The following AGBL4 variants were observed in gnomAD, a reference collection of about 807,000 sequenced individuals.
AGBL4 encodes cytosolic carboxypeptidase 6.
In AGBL4, 58 loss-of-function variants were observed where a neutral mutation model predicts 66.4. The ratio of observed to expected loss-of-function variants is 0.87; its 90% confidence interval spans 0.71 to 1.09. The LOEUF is 1.09. AGBL4 is among the 50% of genes least tolerant of loss of function. The probability of loss-of-function intolerance (pLI) is 0.00; values close to 1 mark genes in which losing one functional copy is unlikely to be tolerated. For missense variants in AGBL4, 579 were observed against 631.0 expected, an observed-to-expected ratio of 0.92 and a Z score of 0.88; for synonymous variants, 234 against 222.9, an observed-to-expected ratio of 1.05 and a Z score of -0.44.
chr1:50,022,820 G>GT (rs1360200172), intron 1 of AGBL4, among the ~76,000 whole-genome samples: 1 of 152,080 alleles, frequency 6.6e-6, no homozygotes, highest in Non-Finnish European at 1.5e-5. Flanking sequence ...GTAACATCCA[G>GT]TTCTTCAGTG....
At chr1:49,761,143 T>C (rs1652280490) in intron 2 of AGBL4, among the ~76,000 whole-genome samples, 1 of 151,904 alleles carries the variant, frequency 6.6e-6, no homozygotes, top group African/African-American at 2.4e-5. Context: ...TTTTTTTTTT[T>C]TTAAGAAAAA....
At chr1:49,443,250 T>C (rs1646076158) in intron 3 of AGBL4, among the ~76,000 whole-genome samples, 1 of 152,278 alleles carries the variant, frequency 6.6e-6, no homozygotes, top group East Asian at 1.9e-4. Context: ...TTTCTTTTGT[T>C]GTGAAGAAGC....
chr1:49,374,964 A>G (rs913013142), intron 3 of AGBL4, among the ~76,000 whole-genome samples: 8 of 152,082 alleles, frequency 5.3e-5, no homozygotes, highest in African/African-American at 1.9e-4. Context: ...TTCTATTTCC[A>G]TCTATTTCTA....
At chr1:49,846,759 A>G (rs1646156633) in intron 2 of AGBL4, among the ~76,000 whole-genome samples, 2 of 152,198 alleles carry the variant, frequency 1.3e-5, no homozygotes, top group Admixed American at 1.3e-4. Flanking sequence ...ACTGCAAAAC[A>G]CGGATGAAAA....
intron 3 of AGBL4, among the ~76,000 whole-genome samples, chr1:49,658,880 G>A (rs1482191456): frequency 6.6e-6 from 1 of 151,878 alleles, no homozygotes; most frequent in Non-Finnish European, 1.5e-5. Context: ...ATGGGGGGAG[G>A]GATAGCATTA....
At chr1:49,300,313 A>G (rs1481196849) in intron 3 of AGBL4, among the ~76,000 whole-genome samples, 1 of 152,212 alleles carries the variant, frequency 6.6e-6, no homozygotes, top group Non-Finnish European at 1.5e-5. Context: ...TGTGTTAGTT[A>G]TTAAATCTCA....
At position 49,212,589 on chromosome 1, in the gene AGBL4, C is replaced by T. The variant is rs989569513; in HGVS notation, c.377+33181G>A. On this transcript the variant is annotated intron_variant, in intron 4 of 13. Transcript: ENST00000371839. ...TGAAAGCTAAAAGTGTTAAGGAAAA[C>T]CTTTAATTATATTACTGCAAACCAA... Among the ~76,000 whole-genome samples, 3 of 152,228 alleles carry T rather than the reference C, an allele frequency of 2.0e-5. No homozygotes were observed. In the East Asian group the frequency reaches 5.8e-4, roughly 29 times the overall value.
chr1:48,755,314 A>T (rs1429514171), intron 6 of AGBL4, among the ~76,000 whole-genome samples: 2 of 152,186 alleles, frequency 1.3e-5, no homozygotes, highest in African/African-American at 4.8e-5. Flanking sequence ...TCGGTGAGTA[A>T]ATAATGATTC....
At chr1:48,548,981 A>T (rs1275575738) in intron 11 of AGBL4, among the ~76,000 whole-genome samples, 1 of 152,186 alleles carries the variant, frequency 6.6e-6, no homozygotes, top group Non-Finnish European at 1.5e-5. Context: ...GAGAAAACAG[A>T]CACATCCCTG....
chr1:49,822,414 C>T (rs1645394053), intron 2 of AGBL4, among the ~76,000 whole-genome samples: 1 of 151,872 alleles, frequency 6.6e-6, no homozygotes, highest in Non-Finnish European at 1.5e-5. Flanking sequence ...CTGCAACCTC[C>T]ACCTCCTGGG....
At chr1:49,717,564 C>T (rs1571396138) in intron 2 of AGBL4, among the ~76,000 whole-genome samples, 1 of 152,084 alleles carries the variant, frequency 6.6e-6, no homozygotes, top group Non-Finnish European at 1.5e-5. Flanking sequence ...AATACCCTTT[C>T]CTACATCCTG....
chr1:49,807,547 G>T (rs1645002942), intron 2 of AGBL4, among the ~76,000 whole-genome samples: 1 of 152,186 alleles, frequency 6.6e-6, no homozygotes. Flanking sequence ...GCCTTAGAAT[G>T]AATCATACCT....
At chr1:48,601,821 G>A (rs1273580575) in intron 9 of AGBL4, among the ~76,000 whole-genome samples, 1 of 151,986 alleles carries the variant, frequency 6.6e-6, no homozygotes, top group African/African-American at 2.4e-5. Flanking sequence ...CTCAACTTGG[G>A]AAGTCATCCT....
At chr1:48,537,765 A>G (rs1420830777) in intron 12 of AGBL4, among the ~76,000 whole-genome samples, 1 of 152,226 alleles carries the variant, frequency 6.6e-6, no homozygotes, top group African/African-American at 2.4e-5. Flanking sequence ...CCCCAAATTA[A>G]CTTGTAAATG....
At chr1:49,395,556 GTGTGT>G (rs1644941026) in intron 3 of AGBL4, among the ~76,000 whole-genome samples, 1 of 150,208 alleles carries the variant, frequency 6.7e-6, no homozygotes, top group Non-Finnish European at 1.5e-5. Context: ...GTGTGTGTGT[GTGTGT>G]GTGATATTAT....
chr1:48,943,443 T>C (rs544593144), intron 5 of AGBL4, among the ~76,000 whole-genome samples: 1 of 152,266 alleles, frequency 6.6e-6, no homozygotes, highest in Admixed American at 6.5e-5. Flanking sequence ...AAGACTACAA[T>C]GGCTATTTAA....
chr1:49,543,833 C>G (rs1652263573), intron 3 of AGBL4, among the ~76,000 whole-genome samples: 2 of 152,132 alleles, frequency 1.3e-5, no homozygotes, highest in South Asian at 4.1e-4. Flanking sequence ...AAAGTATCCC[C>G]TCGTAACTGT....
chr1:49,565,411 C>A (rs935562481), intron 3 of AGBL4, among the ~76,000 whole-genome samples: 5 of 152,166 alleles, frequency 3.3e-5, no homozygotes, highest in African/African-American at 1.2e-4. Flanking sequence ...ATGGTCTTTA[C>A]AATTTGGCAT....
rs1398873045 is a variant in AGBL4, at chr1:48,579,487, C to T, written c.1267+7517G>A. Among the ~76,000 whole-genome samples, 10 of 151,340 alleles carry T rather than the reference C, an allele frequency of 6.6e-5. No homozygotes were observed. In the East Asian group the frequency reaches 8.0e-4, roughly 12 times the overall value. ...AACTCCTGACCTCAAGTGATCCACC[C>T]GCCTCAGCCTCCCAAATTGCTGGGA... On this transcript the variant is annotated intron_variant, in intron 11 of 13. Transcript: ENST00000371839.
Sources: allele counts gnomAD v4.1 joint callset (sites outside exome capture counted in the v4.1 genomes callset), GRCh38; gene constraint gnomAD v4.1.1; transcripts MANE v1.5; gene names NCBI Gene and HGNC (gene_info 2026-07-23, HGNC 2026-07-21).